Variants in CFAP54 observed in about 807,000 individuals in gnomAD.
CFAP54 encodes cilia- and flagella-associated protein 54.
A neutral mutation model predicts 370.4 loss-of-function variants in CFAP54; 290 were observed. That is an observed-to-expected ratio of 0.78 (90% confidence interval 0.71 to 0.86). The LOEUF (loss-of-function observed/expected upper bound fraction) is 0.86. Ranked by LOEUF, CFAP54 falls within the 40% of genes least tolerant of loss-of-function variation. The pLI is 0.00. For missense variants in CFAP54, 3,399 were observed against 3,528.7 expected (o/e 0.96, Z 0.93); for synonymous variants, 1,206 against 1,236.5 (o/e 0.98, Z 0.52).
intron 36 of CFAP54, among the ~76,000 whole-genome samples, chr12:96,656,123 A>C (rs1956920112): frequency 6.6e-6 from 1 of 152,146 alleles, no homozygotes; most frequent in Admixed American, 6.5e-5. Context: ...AAAAGTTTTT[A>C]AAAAATCACA....
intron 9 of CFAP54, 94 bp from the exon 10 acceptor site, chr12:96,533,698 G>GT: frequency 1.1e-6 from 1 of 926,464 alleles, no homozygotes; most frequent in Non-Finnish European, 1.5e-6. Context: ...AGCAGGGATT[G>GT]TGTTTTCCTG....
intron 17 of CFAP54, among the ~76,000 whole-genome samples, chr12:96,563,116 A>T (rs768233932): frequency 2.6e-5 from 4 of 152,102 alleles, no homozygotes; most frequent in Non-Finnish European, 5.9e-5. Flanking sequence ...GTTTTTTTTT[A>T]AACTCATGGA....
chr12:96,744,797 A>G (rs1046973499), intron 55 of CFAP54, among the ~76,000 whole-genome samples: 2 of 152,130 alleles, frequency 1.3e-5, no homozygotes, highest in African/African-American at 4.8e-5. Context: ...TCCTGCACAG[A>G]TCATCCTATC....
chr12:96,804,920 G>A (rs1958861592), intron 63 of CFAP54, among the ~76,000 whole-genome samples: 2 of 152,054 alleles, frequency 1.3e-5, no homozygotes, highest in Non-Finnish European at 2.9e-5. Context: ...GAAAAGACTA[G>A]AGAGCCCAGA....
intron 1 of CFAP54, among the ~76,000 whole-genome samples, chr12:96,494,257 GTT>G (rs1954922447): frequency 6.6e-6 from 1 of 151,980 alleles, no homozygotes; most frequent in Non-Finnish European, 1.5e-5. Context: ...ATTTTAAAGA[GTT>G]TGCATTTATT....
chr12:96,710,663 A>T (rs922180796), intron 48 of CFAP54, among the ~76,000 whole-genome samples: 1 of 146,038 alleles, frequency 6.8e-6, no homozygotes, highest in African/African-American at 2.5e-5. Context: ...GACATACAGA[A>T]TTTTTTTTTT....
chr12:96,657,946 G>T lies in CFAP54; in HGVS notation c.5165G>T (p.Gly1722Val). ...TATGGGAATATTAAAAATGACAACG[G>T]TGGTTCTAGTCTTACCTTTGAGCAT... is the stretch of plus-strand genomic sequence containing the variant. ...SCYGNIKNDN[G>V]GSSLTFEHPL... is the part of the protein sequence containing the mutation. The change falls in exon 37 of 68, where the codon GGT becomes GTT. Residue 1722 changes from glycine (G) to valine (V), a missense_variant. By Grantham distance (109) the Gly-to-Val change is moderately radical (BLOSUM62 -3). This residue lies in a region of CFAP54 where 2,796 missense variants were observed against 2,869.7 expected (regional missense o/e 0.97). Transcript: ENST00000524981. 1.2e-6 allele frequency: 2 copies of T among 1,613,810 alleles called. No individual in the cohort carries two copies. The highest frequency in any genetic ancestry group is 1.7e-6 in the Non-Finnish European group (2 of 1,179,866).
In CFAP54 at chr12:96,756,458, G is replaced by A; in HGVS notation, c.7841G>A (p.Gly2614Asp). Reference sequence around the variant, plus strand: ...TCTTTGTATCTTTTTCTTCTTTCAGGCAAAATAGAACGTCAAATACTAATG... The same window carrying A: ...TCTTTGTATCTTTTTCTTCTTTCAGACAAAATAGAACGTCAAATACTAATG... ...EVEAEILFQKGKIERQILMEE... is the reference protein window; with the variant it reads ...EVEAEILFQKDKIERQILMEE... The change falls in exon 57 of 68, where the codon GGC becomes GAC. Residue 2614 changes from glycine (G) to aspartate (D), a missense_variant and splice_region_variant. By Grantham distance (94) the Gly-to-Asp change is moderately conservative. This residue lies in a region of CFAP54 where 2,796 missense variants were observed against 2,869.7 expected (regional missense o/e 0.97). Coordinates refer to ENST00000524981, the MANE Select transcript of CFAP54 (RefSeq NM_001306084.2). The A allele has an allele frequency of 1.9e-6, 3 of 1,568,350 alleles. No homozygotes were observed. The highest frequency in any genetic ancestry group is 2.6e-6 in the Non-Finnish European group (3 of 1,157,584).
At chr12:96,628,922 T>C (rs562020932) in intron 30 of CFAP54, among the ~76,000 whole-genome samples, 25 of 97,972 alleles carry the variant, frequency 2.6e-4, no homozygotes, top group Non-Finnish European at 5.3e-4. Context: ...CGAAGAAATA[T>C]AAATTCAAAA....
Position 96,817,686 on chromosome 12 carries a change from C to T in CFAP54, c.8958-89C>T, listed in dbSNP as rs538362132. 1.3e-4 allele frequency: 96 copies of T among 758,396 alleles called. No homozygotes were observed. In the South Asian group the frequency reaches 3.2e-3, roughly 25 times the overall value. The allele number at this position is 758,396 out of a possible 1,614,324, so 47.0% of individuals were successfully genotyped here. Reference sequence around the variant, plus strand: ...CCACCCGCCTCGGCCTCCCAAAGTGCTGGGATTACAGGCGTGAGCCACCAC... The same window carrying T: ...CCACCCGCCTCGGCCTCCCAAAGTGTTGGGATTACAGGCGTGAGCCACCAC... On this transcript the variant is annotated intron_variant, in intron 64 of 67. Coordinates refer to ENST00000524981, the MANE Select transcript of CFAP54 (RefSeq NM_001306084.2).
intron 51 of CFAP54, among the ~76,000 whole-genome samples, chr12:96,741,605 GA>G (rs1289336917): frequency 6.6e-6 from 1 of 152,174 alleles, no homozygotes; most frequent in Non-Finnish European, 1.5e-5. Flanking sequence ...GGAGCTGTCA[GA>G]GATGCATAGC....
intron 32 of CFAP54, among the ~76,000 whole-genome samples, chr12:96,642,826 A>G (rs1311776469): frequency 1.3e-5 from 2 of 152,144 alleles, no homozygotes; most frequent in African/African-American, 4.8e-5. Flanking sequence ...GCTCATGAAG[A>G]CACAAATCAG....
chr12:96,572,627 A>G (rs1391022348), intron 19 of CFAP54, among the ~76,000 whole-genome samples: 1 of 152,178 alleles, frequency 6.6e-6, no homozygotes. Context: ...TGGAGGTTGA[A>G]GAGACTAGAA....
At chr12:96,654,832 A>ATTTTTTTTTTTTTTTTTTTTTTT (rs10631171) in intron 36 of CFAP54, among the ~76,000 whole-genome samples, 19 of 132,108 alleles carry the variant, frequency 1.4e-4, no homozygotes, top group East Asian at 2.6e-4. Context: ...ATTTCACTTA[A>ATTTTTTTTTTTTTTTTTTTTTTT]TTTTTTTTTT....
chr12:96,638,616 G>C (rs553804284), intron 32 of CFAP54, among the ~76,000 whole-genome samples: 2 of 152,034 alleles, frequency 1.3e-5, no homozygotes, highest in Admixed American at 1.3e-4. Context: ...TGTAATTTCT[G>C]CTTCTTGTGA....
intron 62 of CFAP54, among the ~76,000 whole-genome samples, chr12:96,788,619 ACTAGAATATAGCAAC>A (rs1958652093): frequency 6.6e-6 from 1 of 152,156 alleles, no homozygotes; most frequent in South Asian, 2.1e-4. Context: ...ATCTTATCCT[ACTAGAATATAGCAAC>A]CTTATGTTTT....
chr12:96,608,114 G>A (rs937735397), intron 26 of CFAP54, among the ~76,000 whole-genome samples: 6 of 152,068 alleles, frequency 3.9e-5, no homozygotes, highest in African/African-American at 1.4e-4. Context: ...AAATTAATTA[G>A]ATAATAATGA....
At chr12:96,515,231 A>G (rs1283261912) in intron 5 of CFAP54, among the ~76,000 whole-genome samples, 1 of 151,610 alleles carries the variant, frequency 6.6e-6, no homozygotes, top group African/African-American at 2.4e-5. Context: ...CTGGTCTCGA[A>G]CTCCTGACCT....
At chr12:96,729,939 G>T (rs911020559) in intron 50 of CFAP54, among the ~76,000 whole-genome samples, 3 of 152,172 alleles carry the variant, frequency 2.0e-5, no homozygotes, top group Non-Finnish European at 4.4e-5. Flanking sequence ...TGAAATGAGA[G>T]ATGATAATGA....
Sources: gnomAD v4.1 joint callset for allele counts (sites outside exome capture counted in the v4.1 genomes callset) on GRCh38, gnomAD v4.1.1 for gene constraint, gnomAD v4.1.1 regional missense constraint, MANE v1.5 for transcripts, NCBI Gene and HGNC (gene_info 2026-07-23, HGNC 2026-07-21) for gene names.